Variants in FOXO1 observed in about 807,000 individuals in gnomAD.
The protein encoded by FOXO1 is forkhead box protein O1.
A neutral mutation model predicts 44.1 loss-of-function variants in FOXO1; 6 were observed. The observed-to-expected ratio is 0.14, with a 90% CI of 0.07 to 0.27. FOXO1 has a LOEUF of 0.27. FOXO1 is among the 10% of genes least tolerant of loss of function. The pLI is 1.00. For synonymous variants in FOXO1, 380 were observed against 362.7 expected (o/e 1.05, Z -0.54); for missense variants, 737 against 888.8 (o/e 0.83, Z 2.17).
chr13:40,604,636 C>G (rs1265769479), intron 1 of FOXO1, among the ~76,000 whole-genome samples: 1 of 152,162 alleles, frequency 6.6e-6, no homozygotes, highest in Non-Finnish European at 1.5e-5. Flanking sequence ...ACAAGCCTTT[C>G]TCGGCTGGAA....
chr13:40,591,350 T>C (rs1030454420), intron 1 of FOXO1, among the ~76,000 whole-genome samples: 1 of 152,158 alleles, frequency 6.6e-6, no homozygotes, highest in Non-Finnish European at 1.5e-5. Context: ...AGGCAGAAAG[T>C]AGCTCATAGG....
intron 1 of FOXO1, among the ~76,000 whole-genome samples, chr13:40,639,711 C>T (rs1877286991): frequency 6.6e-6 from 1 of 152,236 alleles, no homozygotes; most frequent in South Asian, 2.1e-4. Flanking sequence ...CACATCCCCA[C>T]CCAAGCTGTG....
chr13:40,637,602 GATA>G (rs1392264804), intron 1 of FOXO1, among the ~76,000 whole-genome samples: 6 of 152,084 alleles, frequency 3.9e-5, no homozygotes, highest in African/African-American at 7.2e-5. Flanking sequence ...CCAAAGTAAT[GATA>G]ATAATAGCTA....
rs77094603 is a variant in FOXO1, at chr13:40,620,799, C to A, written c.630+44784G>T. On this transcript the variant is annotated intron_variant, in intron 1 of 2. Transcript: ENST00000379561. ...TGGAAAACTACTATTCTTCCCCTTG[C>A]TTTTTTTTTTTTTTTTTGAGATGGA... Among the ~76,000 whole-genome samples, 14 of 121,232 alleles carry A rather than the reference C, an allele frequency of 1.2e-4. No individual in the cohort carries two copies. In the East Asian group the frequency reaches 1.4e-3, roughly 12 times the overall value. 79.5% of individuals were successfully genotyped at this position (121,232 alleles called of 152,430 possible).
In FOXO1 at chr13:40,560,668, C is replaced by T. The variant is rs1426059148; in HGVS notation, c.823G>A (p.Ala275Thr). ...CCCTCCTGGCCAGACTGGAGAGATG[C>T]TTTCTTCTTGGCAGCTCGGCTTCGG... ...KSRSRAAKKK[A>T]SLQSGQEGAG... is the part of the protein sequence containing the mutation. Residue 275 changes from alanine (A) to threonine (T), a missense_variant, in exon 2 of 3, where the codon GCA (alanine) becomes ACA (threonine). Coordinates refer to ENST00000379561, the MANE Select transcript of FOXO1 (RefSeq NM_002015.4). This position sits in a 1 kb window ranked among gnomAD's most constrained non-coding sequence, Gnocchi z 5.1. The T allele has an allele frequency of 6.2e-7, 1 of 1,614,178 alleles. No homozygotes were observed. The highest frequency in any genetic ancestry group is 8.5e-7 in the Non-Finnish European group (1 of 1,180,024).
In FOXO1 at chr13:40,665,871, C is replaced by T. The variant is rs997522682; in HGVS notation, c.342G>A (p.Glu114=). ...GTGGCGCTGGGTGCAGGCAGCCCGCCTCCGGGCCCTGGAAGTCCCCGCACA... is the reference window on the plus strand; with the variant it reads ...GTGGCGCTGGGTGCAGGCAGCCCGCTTCCGGGCCCTGGAAGTCCCCGCACA... ...GGLCGDFQGP[E]AGCLHPAPPQ... is the part of the protein sequence containing the mutation. Residue 114 remains glutamate, a synonymous_variant, in exon 1 of 3, where the codon GAG becomes GAA. Coordinates refer to ENST00000379561, the MANE Select transcript of FOXO1 (RefSeq NM_002015.4). The T allele has an allele frequency of 1.5e-5, 17 of 1,134,632 alleles. No individual in the cohort carries two copies. In the African/African-American group the frequency reaches 1.8e-4, roughly 12 times the overall value. The allele number at this position is 1,134,632 out of a possible 1,614,324, so 70.3% of individuals were successfully genotyped here.
rs10552634 is a variant in FOXO1 at position 40,624,317 on chromosome 13, T to TAAAAA, written c.630+41261_630+41265dup. On this transcript the variant is annotated intron_variant, in intron 1 of 2. Coordinates refer to ENST00000379561, the MANE Select transcript of FOXO1 (RefSeq NM_002015.4). ...AAAGCTCTTAAAAACTAATACTGCT[T>TAAAAA]AAAAAAAAAAAAAAAAAAAAAAGAT... is the stretch of plus-strand genomic sequence containing the variant. Among the ~76,000 whole-genome samples the TAAAAA allele has an allele frequency of 6.5e-3, 657 of 100,832 alleles. 7 individuals carry two copies. Among genetic ancestry groups the TAAAAA allele is most frequent in the South Asian group, 0.013 (35 of 2,660 alleles). The allele number at this position is 100,832 out of a possible 152,430, so 66.1% of individuals were successfully genotyped here. A position where few individuals can be genotyped will look rare whatever the true frequency, so the allele number is the denominator to read the frequency against.
chr13:40,660,131 C>A (rs1446800415), intron 1 of FOXO1, among the ~76,000 whole-genome samples: 1 of 152,128 alleles, frequency 6.6e-6, no homozygotes, highest in African/African-American at 2.4e-5. Context: ...TCTTTATGTA[C>A]CAAGAAAAGG....
At chr13:40,633,303 A>G (rs1044898664) in intron 1 of FOXO1, among the ~76,000 whole-genome samples, 1 of 152,250 alleles carries the variant, frequency 6.6e-6, no homozygotes, top group Non-Finnish European at 1.5e-5. Context: ...CACATAAAAA[A>G]ACTATACATG....
At chr13:40,594,384 C>T (rs956627571) in intron 1 of FOXO1, among the ~76,000 whole-genome samples, 1 of 152,086 alleles carries the variant, frequency 6.6e-6, no homozygotes, top group Non-Finnish European at 1.5e-5. Context: ...TGGAATCTAA[C>T]CCCTTCATTT....
intron 1 of FOXO1, among the ~76,000 whole-genome samples, chr13:40,606,467 C>T (rs567280822): frequency 2.4e-4 from 36 of 152,164 alleles, no homozygotes; most frequent in African/African-American, 8.4e-4. Flanking sequence ...GTGCCACCAC[C>T]ACACCTGGCT....
intron 1 of FOXO1, among the ~76,000 whole-genome samples, chr13:40,592,967 T>C (rs1566069759): frequency 6.6e-6 from 1 of 152,198 alleles, no homozygotes; most frequent in Admixed American, 6.5e-5. Context: ...TATAACACCA[T>C]TAAAACATCA....
At chr13:40,621,137 C>A in intron 1 of FOXO1, 2 of 403,720 alleles carry the variant, frequency 5.0e-6, no homozygotes, top group South Asian at 2.7e-5. Flanking sequence ...GACAATCTTT[C>A]CACCCAGCGC....
chr13:40,603,411 A>G (rs1467223778), intron 1 of FOXO1, among the ~76,000 whole-genome samples: 1 of 151,342 alleles, frequency 6.6e-6, no homozygotes, highest in Non-Finnish European at 1.5e-5. Context: ...ATATATACAT[A>G]TATTATAAAT....
At chr13:40,617,914 C>A (rs1165326121) in intron 1 of FOXO1, among the ~76,000 whole-genome samples, 2 of 152,118 alleles carry the variant, frequency 1.3e-5, no homozygotes, top group South Asian at 4.1e-4. Flanking sequence ...AGAGTGCAAG[C>A]CTCAGGTGAT....
Position 40,559,830 on chromosome 13 carries a change from C to T in FOXO1, c.1661G>A (p.Arg554His), listed in dbSNP as rs139398811. ...STMPHTSGMN[R>H]LTQVKTPVQV... is the part of the protein sequence containing the mutation. ...TACAGGTGTCTTCACTTGGGTCAGGCGGTTCATACCCGAGGTGTGGGGCAT... is the reference window on the plus strand; with the variant it reads ...TACAGGTGTCTTCACTTGGGTCAGGTGGTTCATACCCGAGGTGTGGGGCAT... The change falls in exon 2 of 3, where the codon CGC (arginine) becomes CAC (histidine). Residue 554 changes from arginine (R) to histidine (H), a missense_variant. Arg to His is a conservative substitution (Grantham distance 29, BLOSUM62 0). Transcript: ENST00000379561. 44 of 1,613,908 alleles carry T rather than the reference C, an allele frequency of 2.7e-5. No homozygotes were observed. The African/African-American group carries it at 4.1e-4, about 15-fold the overall frequency.
intron 1 of FOXO1, among the ~76,000 whole-genome samples, chr13:40,592,964 C>T (rs1357747548): frequency 1.3e-5 from 2 of 152,106 alleles, no homozygotes; most frequent in African/African-American, 4.8e-5. Context: ...GTTTATAACA[C>T]CATTAAAACA....
At chr13:40,616,538 G>A (rs569614867) in intron 1 of FOXO1, among the ~76,000 whole-genome samples, 2 of 152,322 alleles carry the variant, frequency 1.3e-5, no homozygotes, top group East Asian at 1.9e-4. Context: ...AGGGCCAAAC[G>A]CATGTGGAGA....
chr13:40,581,623 C>A (rs1874959854), intron 1 of FOXO1, among the ~76,000 whole-genome samples: 1 of 152,154 alleles, frequency 6.6e-6, no homozygotes, highest in Admixed American at 6.5e-5. Flanking sequence ...TGACAATGTT[C>A]TATACAAAAA....
Sources: allele counts gnomAD v4.1 joint callset (sites outside exome capture counted in the v4.1 genomes callset), GRCh38; gene constraint gnomAD v4.1.1; non-coding constraint Gnocchi (gnomAD v3.1); transcripts MANE v1.5; gene names NCBI Gene and HGNC (gene_info 2026-07-23, HGNC 2026-07-21).